The following LINGO1 variants were observed in gnomAD, a reference collection of about 807,000 sequenced individuals.
The protein encoded by LINGO1 is leucine-rich repeat and immunoglobulin-like domain-containing nogo receptor-interacting protein 1.
In LINGO1, 11 loss-of-function variants were observed where a neutral mutation model predicts 37.3. The ratio of observed to expected loss-of-function variants is 0.29; its 90% confidence interval spans 0.19 to 0.49. The LOEUF is 0.49. LINGO1 is among the 20% of genes least tolerant of loss of function. LINGO1 has a pLI of 0.99. For missense variants in LINGO1, 585 were observed against 878.2 expected, an observed-to-expected ratio of 0.67 and a Z score of 4.22; for synonymous variants, 387 against 403.0, an observed-to-expected ratio of 0.96 and a Z score of 0.48.
intron 1 of LINGO1, among the ~76,000 whole-genome samples, chr15:77,625,662 A>C (rs1186128471): frequency 1.3e-5 from 2 of 152,176 alleles, no homozygotes; most frequent in African/African-American, 2.4e-5. Context: ...CCAAGAGGTG[A>C]TGCACCTTGC....
Position 77,614,900 on chromosome 15 carries a change from T to A in LINGO1, c.1007A>T (p.Tyr336Phe). ...GCCAGAGACATTGAGCACGCGCAGG[T>A]AGTTGAGGCCGCGGAAGGCATAGGG... is the stretch of plus-strand genomic sequence containing the variant. ...VEPYAFRGLN[Y>F]LRVLNVSGNQ... is the part of the protein sequence containing the mutation. Residue 336 changes from tyrosine to phenylalanine, a missense_variant, in exon 2 of 2, where the codon TAC becomes TTC. By Grantham distance (22) the Tyr-to-Phe change is conservative. Coordinates refer to ENST00000355300, the MANE Select transcript of LINGO1 (RefSeq NM_032808.7). The A allele has an allele frequency of 6.2e-7, 1 of 1,613,692 alleles. No homozygotes were observed. Among genetic ancestry groups the A allele is most frequent in the Non-Finnish European group, 8.5e-7 (1 of 1,179,838 alleles).
intron 1 of LINGO1, among the ~76,000 whole-genome samples, chr15:77,803,649 T>C (rs909014476): frequency 6.6e-6 from 1 of 152,032 alleles, no homozygotes; most frequent in Admixed American, 6.5e-5. Flanking sequence ...GTCCTCGTGA[T>C]AGTTGAGTTC....
In LINGO1 at chr15:77,710,057, G is replaced by C. The variant is rs185640701; in HGVS notation, c.-194-19156C>G. ...AGAGAAGAGGAGTCCCCGTGGAGGA[G>C]GAAGGGAGAAGAGAGGGTGGCCGAG... On this transcript the variant is annotated intron_variant, in intron 2 of 3. Coordinates refer to the LINGO1 transcript ENST00000561686. Among the ~76,000 whole-genome samples, 43 of 152,364 alleles carry C rather than the reference G, an allele frequency of 2.8e-4. 2 individuals are homozygous for C. The East Asian group carries it at 5.8e-3, about 20-fold the overall frequency.
At chr15:77,685,529 G>C (rs567039654) in intron 2 of LINGO1, among the ~76,000 whole-genome samples, 1 of 152,154 alleles carries the variant, frequency 6.6e-6, no homozygotes, top group Non-Finnish European at 1.5e-5. Context: ...TCCCATCCCA[G>C]AGTAGGTATT....
intron 2 of LINGO1, among the ~76,000 whole-genome samples, chr15:77,677,998 C>G (rs1256752484): frequency 6.6e-6 from 1 of 152,238 alleles, no homozygotes; most frequent in Admixed American, 6.5e-5. Flanking sequence ...CCAGACCACA[C>G]AGCCACCTGC....
intron 1 of LINGO1, among the ~76,000 whole-genome samples, chr15:77,753,964 C>T (rs1314139967): frequency 6.6e-6 from 1 of 152,180 alleles, no homozygotes; most frequent in African/African-American, 2.4e-5. Flanking sequence ...AAGCTACTGC[C>T]CAGTCTCTTC....
chr15:77,793,684 G>T (rs917353665), intron 2 of LINGO1, among the ~76,000 whole-genome samples: 3 of 152,174 alleles, frequency 2.0e-5, no homozygotes, highest in African/African-American at 7.2e-5. Flanking sequence ...GTACACGCAG[G>T]CTGAAACATT....
chr15:77,713,230 G>T (rs1239933859), intron 2 of LINGO1, among the ~76,000 whole-genome samples: 1 of 150,104 alleles, frequency 6.7e-6, no homozygotes, highest in Non-Finnish European at 1.5e-5. Context: ...GTGTGTGTGT[G>T]TGTGTGTGTG....
At chr15:77,759,627 T>C (rs2076454632) in intron 1 of LINGO1, among the ~76,000 whole-genome samples, 1 of 152,152 alleles carries the variant, frequency 6.6e-6, no homozygotes, top group Admixed American at 6.6e-5. Flanking sequence ...ACTTCAGAAG[T>C]GCAGGGGAGC....
chr15:77,755,101 A>G (rs2076407137), intron 1 of LINGO1, among the ~76,000 whole-genome samples: 1 of 152,214 alleles, frequency 6.6e-6, no homozygotes. Context: ...CCCTCCTACT[A>G]GGACCAGACT....
At chr15:77,676,641 T>C (rs960419209) in intron 3 of LINGO1, among the ~76,000 whole-genome samples, 13 of 152,076 alleles carry the variant, frequency 8.5e-5, no homozygotes, top group South Asian at 2.1e-4. Context: ...ATTAGCACCA[T>C]CAGGCACTGC....
At chr15:77,692,233 T>C (rs2075616680) in intron 1 of LINGO1, among the ~76,000 whole-genome samples, 1 of 152,198 alleles carries the variant, frequency 6.6e-6, no homozygotes, top group African/African-American at 2.4e-5. Flanking sequence ...GCACAACAAC[T>C]GGGTGAGGGA....
At chr15:77,773,261 C>T (rs1156277860) in intron 1 of LINGO1, among the ~76,000 whole-genome samples, 1 of 152,196 alleles carries the variant, frequency 6.6e-6, no homozygotes, top group African/African-American at 2.4e-5. Flanking sequence ...TGGCATGTTG[C>T]AGCAGGCTGT....
chr15:77,694,562 G>A (rs1167094772), intron 1 of LINGO1, among the ~76,000 whole-genome samples: 3 of 152,152 alleles, frequency 2.0e-5, no homozygotes, highest in South Asian at 2.1e-4. Flanking sequence ...CTGGAGGTTA[G>A]AGGCACTCTT....
At chr15:77,739,124 G>A (rs1409890803) in intron 1 of LINGO1, among the ~76,000 whole-genome samples, 1 of 152,268 alleles carries the variant, frequency 6.6e-6, no homozygotes, top group Non-Finnish European at 1.5e-5. Flanking sequence ...AGCCTTGGGG[G>A]CGGCCGGCAG....
chr15:77,617,455 C>A (rs746701412), intron 1 of LINGO1, among the ~76,000 whole-genome samples: 1 of 152,216 alleles, frequency 6.6e-6, no homozygotes, highest in Non-Finnish European at 1.5e-5. Flanking sequence ...TCCTCTACTG[C>A]AGCCTCCAGT....
At chr15:77,710,711 C>T (rs1295653047) in intron 2 of LINGO1, among the ~76,000 whole-genome samples, 2 of 152,266 alleles carry the variant, frequency 1.3e-5, no homozygotes, top group Non-Finnish European at 2.9e-5. Context: ...GAACACCTCA[C>T]ACAGCCCACC....
chr15:77,656,698 G>A (rs2074874164), intron 3 of LINGO1, among the ~76,000 whole-genome samples: 1 of 152,108 alleles, frequency 6.6e-6, no homozygotes, highest in Admixed American at 6.6e-5. Context: ...CAGATATGTG[G>A]GGTGATATTC....
At chr15:77,795,840 G>A (rs554742947) in intron 2 of LINGO1, 2 of 152,436 alleles carry the variant, frequency 1.3e-5, no homozygotes, top group South Asian at 2.1e-4. Context: ...TGCATGTGGG[G>A]AGGGAGAGAT....
Sources: allele counts gnomAD v4.1 joint callset (sites outside exome capture counted in the v4.1 genomes callset), GRCh38; gene constraint gnomAD v4.1.1; transcripts MANE v1.5; gene names NCBI Gene and HGNC (gene_info 2026-07-23, HGNC 2026-07-21).